Variants in LTBP4 observed in about 807,000 individuals in gnomAD.
LTBP4 encodes latent transforming growth factor beta binding protein 4.
Under a neutral mutation model 180.2 loss-of-function variants are expected in LTBP4, and 93 were observed. That is an observed-to-expected ratio of 0.52 (90% confidence interval 0.44 to 0.61). The LOEUF (loss-of-function observed/expected upper bound fraction) is 0.61. LTBP4 is among the 20% of genes least tolerant of loss of function. LTBP4 has a pLI of 0.00. For synonymous variants in LTBP4, 947 were observed against 934.5 expected (o/e 1.01, Z -0.24); for missense variants, 2,116 against 2,256.5 (o/e 0.94, Z 1.26).
intron 27 of LTBP4, 88 bp downstream of exon 27, chr19:40,626,097 A>T: frequency 2.1e-6 from 3 of 1,426,300 alleles, no homozygotes; most frequent in Non-Finnish European, 2.8e-6. Flanking sequence ...CAGAACCCCC[A>T]GACTCTATCC....
In LTBP4 at chr19:40,623,543, A is replaced by G. The variant is rs1021160522; in HGVS notation, c.3557-61A>G. On this transcript the variant is annotated intron_variant, in intron 24 of 29. Coordinates refer to ENST00000396819, the MANE Select transcript of LTBP4 (RefSeq NM_001042545.2). ...AGCTCTGTCTCTGTCTTCCCACGTC[A>G]TGCCCTCACACACTCCACCCATCCA... The G allele has an allele frequency of 6.4e-6, 10 of 1,561,396 alleles. No individual in the cohort carries two copies. In the Admixed American group the frequency reaches 1.8e-4, roughly 28 times the overall value.
At chr19:40,620,091 C>A (rs1255651497) in intron 22 of LTBP4, among the ~76,000 whole-genome samples, 1 of 152,000 alleles carries the variant, frequency 6.6e-6, no homozygotes, top group African/African-American at 2.4e-5. Flanking sequence ...GAAACAGGTT[C>A]AACATGGCAT....
At chr19:40,607,273 C>CA in intron 6 of LTBP4, 92 bp from the exon 7 acceptor site, 17 of 811,718 alleles carry the variant, frequency 2.1e-5, no homozygotes, top group South Asian at 1.0e-4. Context: ...CCCCCACCCC[C>CA]AACCCCAGAA....
intron 11 of LTBP4, 163 bp downstream of exon 11, chr19:40,610,034 A>G: frequency 1.1e-6 from 1 of 935,636 alleles, no homozygotes; most frequent in Non-Finnish European, 1.5e-6. Flanking sequence ...GCCTCCACCC[A>G]GCTCCAGCCT....
In LTBP4 at chr19:40,622,509, T is replaced by C. The variant is rs2081593182; in HGVS notation, c.3326T>C (p.Val1109Ala). ...RRPSTPRQGP[V>A]GSGRRECYFD... ...CCCAGCACACCTAGGCAGGGCCCTGTGGGGAGTGGGCGCCGGGAGTGCTAC... is the reference window on the plus strand; with the variant it reads ...CCCAGCACACCTAGGCAGGGCCCTGCGGGGAGTGGGCGCCGGGAGTGCTAC... The change falls in exon 23 of 30, where the codon GTG becomes GCG. Residue 1109 changes from valine (V) to alanine (A), a missense_variant. Physicochemically the swap from Val to Ala is moderately conservative, Grantham distance 64 (BLOSUM62 0). Transcript: ENST00000396819. The surrounding 1 kb of genome is among the most constrained non-coding windows in gnomAD (Gnocchi z 5.1). 6.2e-7 allele frequency: 1 copy of C among 1,613,374 alleles called. No individual in the cohort carries two copies. Among genetic ancestry groups the C allele is most frequent in the Non-Finnish European group, 8.5e-7 (1 of 1,179,668 alleles).
Position 40,606,395 on chromosome 19 carries a change from C to A in LTBP4, c.869-9C>A. On this transcript the variant is annotated splice_polypyrimidine_tract_variant and intron_variant, in intron 5 of 29. Coordinates refer to ENST00000396819, the MANE Select transcript of LTBP4 (RefSeq NM_001042545.2). ...CCTGACTCCACGGTGACCTCCCCAA[C>A]CCTGGCAGATGTGGATGAGTGCGCG... 2 of 1,607,408 alleles carry A rather than the reference C, an allele frequency of 1.2e-6. No individual in the cohort carries two copies. Among genetic ancestry groups the A allele is most frequent in the Non-Finnish European group, 1.7e-6 (2 of 1,176,716 alleles).
chr19:40,608,363 T>A lies in LTBP4; in HGVS notation c.1300T>A (p.Ser434Thr), dbSNP rs34545902. ...TACCCTGCCAGCCACCTCTCGGCCATCTGCAGGTGAGCTGGCTCTGGCAGA... is the reference window on the plus strand; with the variant it reads ...TACCCTGCCAGCCACCTCTCGGCCAACTGCAGGTGAGCTGGCTCTGGCAGA... ...PRTLPATSRP[S>T]AGFLPTHRLE... Residue 434 changes from serine (S) to threonine (T), a missense_variant, in exon 8 of 30, where the codon TCT (serine) becomes ACT (threonine). By Grantham distance (58) the Ser-to-Thr change is moderately conservative. Coordinates refer to ENST00000396819, the MANE Select transcript of LTBP4 (RefSeq NM_001042545.2). 15,742 of 1,612,550 alleles carry A rather than the reference T, an allele frequency of 9.8e-3. 763 individuals are homozygous for A. The African/African-American group carries it at 0.14, about 14-fold the overall frequency.
Position 40,608,221 on chromosome 19 carries a change from G to A in LTBP4, c.1158G>A (p.Glu386=), listed in dbSNP as rs1015435132. 8 of 1,613,800 alleles carry A rather than the reference G, an allele frequency of 5.0e-6. No homozygotes were observed. The African/African-American group carries it at 5.3e-5, about 11-fold the overall frequency. Reference sequence around the variant, plus strand: ...TCTGTCTCTCTTACCTATTCCCAGAGGGTTTCCGGGAGATCTGCCCGGCTG... The same window carrying A: ...TCTGTCTCTCTTACCTATTCCCAGAAGGTTTCCGGGAGATCTGCCCGGCTG... The part of the protein sequence containing the change: ...GCQLCPPFGS[E]GFREICPAGP... Residue 386 remains glutamate (E), a splice_region_variant and synonymous_variant, in exon 8 of 30, where the codon GAG becomes GAA. Transcript: ENST00000396819.
rs920527850 is a variant in LTBP4, at chr19:40,606,621, C to G, written c.991+95C>G. The G allele has an allele frequency of 2.7e-5, 39 of 1,460,424 alleles. No homozygotes were observed. The African/African-American group carries it at 4.2e-4, about 16-fold the overall frequency. 90.5% of individuals were successfully genotyped at this position (1,460,424 alleles called of 1,614,324 possible). A position where few individuals can be genotyped will look rare whatever the true frequency, so the allele number is the denominator to read the frequency against. ...GGGCCTTTAATTCCCTCGGACCCCCCCAGACTCCCGGGTTCCTCTGTCAGC... is the reference window on the plus strand; with the variant it reads ...GGGCCTTTAATTCCCTCGGACCCCCGCAGACTCCCGGGTTCCTCTGTCAGC... On this transcript the variant is annotated intron_variant, in intron 6 of 29. Transcript: ENST00000396819.
chr19:40,624,018 C>T lies in LTBP4; in HGVS notation c.3768C>T (p.Cys1256=), dbSNP rs369442543. 6.2e-7 allele frequency: 1 copy of T among 1,609,640 alleles called. No homozygotes were observed. Among genetic ancestry groups the T allele is most frequent in the Non-Finnish European group, 8.5e-7 (1 of 1,177,572 alleles). ...VNTVGSYHCT[C]EPPLVLDGSQ... ...CTGTGGGCTCTTATCACTGTACCTG[C>T]GAGCCCCCACTGGTGCTGGATGGCT... is the stretch of plus-strand genomic sequence containing the variant. Residue 1256 remains cysteine (C), a synonymous_variant, in exon 26 of 30, where the codon TGC becomes TGT. Transcript: ENST00000396819.
chr19:40,619,272 G>C lies in LTBP4; in HGVS notation c.3071-75G>C, dbSNP rs7259554. ...AATATACACATTATATTTGAAAGCTGAGACTTTCGGACCTTTGGAATCATA... is the reference window on the plus strand; with the variant it reads ...AATATACACATTATATTTGAAAGCTCAGACTTTCGGACCTTTGGAATCATA... On this transcript the variant is annotated intron_variant, in intron 21 of 29. Transcript: ENST00000396819. 0.41 allele frequency: 606,879 copies of C among 1,470,344 alleles called. 127,636 individuals carry two copies. Among genetic ancestry groups the C allele is most frequent in the South Asian group, 0.54 (44,566 of 82,270 alleles). 91.1% of individuals were successfully genotyped at this position (1,470,344 alleles called of 1,614,324 possible).
intron 1 of LTBP4, among the ~76,000 whole-genome samples, chr19:40,603,844 G>T (rs1410545867): frequency 6.6e-6 from 1 of 152,204 alleles, no homozygotes; most frequent in Non-Finnish European, 1.5e-5. Context: ...AGGTCCCGGG[G>T]CTCCCCAAGG....
chr19:40,599,740 C>T (rs1184928771), upstream of LTBP4: 3 of 607,744 alleles, frequency 4.9e-6, no homozygotes, highest in Non-Finnish European at 8.7e-6. Context: ...CAGGCTCTTC[C>T]CATCTCTGCA....
intron 19 of LTBP4, among the ~76,000 whole-genome samples, chr19:40,615,123 C>T (rs1364075097): frequency 7.0e-6 from 1 of 141,970 alleles, no homozygotes; most frequent in Non-Finnish European, 1.5e-5. Flanking sequence ...TTCACCCCTC[C>T]CGGGTCAGGC....
At chr19:40,621,284 C>G (rs188164143) in intron 22 of LTBP4, among the ~76,000 whole-genome samples, 18 of 152,274 alleles carry the variant, frequency 1.2e-4, no homozygotes, top group African/African-American at 3.9e-4. Flanking sequence ...GTCCCTCCCC[C>G]ATCTAGTGGT....
intron 26 of LTBP4, among the ~76,000 whole-genome samples, chr19:40,624,366 G>C (rs1391912298): frequency 6.6e-6 from 1 of 152,202 alleles, no homozygotes; most frequent in East Asian, 1.9e-4. Flanking sequence ...CTACCTTATA[G>C]GGTGGCTGTG....
chr19:40,621,025 T>C (rs2081583093), intron 22 of LTBP4, among the ~76,000 whole-genome samples: 1 of 151,644 alleles, frequency 6.6e-6, no homozygotes. Flanking sequence ...CACTGTAACC[T>C]CCACCTCCCT....
upstream of LTBP4, among the ~76,000 whole-genome samples, chr19:40,600,778 T>C (rs2081417934): frequency 6.6e-6 from 1 of 152,058 alleles, no homozygotes; most frequent in South Asian, 2.1e-4. The surrounding 1 kb of genome is among the most constrained non-coding windows in gnomAD (Gnocchi z 4.4). Context: ...TTGTGACTTC[T>C]CCCGCCAGGT....
Position 40,614,458 on chromosome 19 carries a change from C to G in LTBP4, c.2812+12C>G. 1 of 1,596,516 alleles carries G rather than the reference C, an allele frequency of 6.3e-7. No homozygotes were observed. The highest frequency in any genetic ancestry group is 8.5e-7 in the Non-Finnish European group (1 of 1,178,784). ...GGGCACCTGTGACGGTGAGCCTGCC[C>G]CCACCCGCCTTCGCTAGCGCTTGCA... On this transcript the variant is annotated intron_variant, in intron 19 of 29. Transcript: ENST00000396819.
Sources: allele counts gnomAD v4.1 joint callset (sites outside exome capture counted in the v4.1 genomes callset), GRCh38; gene constraint gnomAD v4.1.1; non-coding constraint Gnocchi (gnomAD v3.1); transcripts MANE v1.5; gene names NCBI Gene and HGNC (gene_info 2026-07-23, HGNC 2026-07-21).